Variants in ZGRF1 observed in about 807,000 individuals in gnomAD.
ZGRF1 encodes the protein 5'-3' DNA helicase ZGRF1.
In ZGRF1, 196 loss-of-function variants were observed where a neutral mutation model predicts 203.5. The ratio of observed to expected loss-of-function variants is 0.96; its 90% CI spans 0.86 to 1.08. The LOEUF (loss-of-function observed/expected upper bound fraction) is 1.08. Among genes scored for constraint, ZGRF1 ranks in the 50% least tolerant of loss-of-function variants. The pLI is 0.00. For missense variants in ZGRF1, 2,326 were observed against 2,416.3 expected (o/e 0.96, Z 0.78); for synonymous variants, 809 against 841.3 (o/e 0.96, Z 0.66).
chr4:112,628,289 G>C (rs1442208085), intron 3 of ZGRF1, among the ~76,000 whole-genome samples: 1 of 152,100 alleles, frequency 6.6e-6, no homozygotes, highest in Non-Finnish European at 1.5e-5. Flanking sequence ...ACTTTATGAA[G>C]CATCATTTTC....
intron 16 of ZGRF1, among the ~76,000 whole-genome samples, chr4:112,578,511 T>G: frequency 8.5e-6 from 1 of 117,908 alleles, no homozygotes; most frequent in Non-Finnish European, 1.9e-5. Context: ...TCAACAAAAT[T>G]GATAGACCGC....
chr4:112,562,670 T>G (rs944248160), intron 17 of ZGRF1, among the ~76,000 whole-genome samples, 185 bp from the exon 18 acceptor site: 1 of 152,258 alleles, frequency 6.6e-6, no homozygotes, highest in African/African-American at 2.4e-5. Context: ...ATCTGCTCAT[T>G]CATTTTATAA....
chr4:112,565,021 AC>A, intron 16 of ZGRF1: 1 of 969,682 alleles, frequency 1.0e-6, no homozygotes, highest in Non-Finnish European at 1.7e-6. Flanking sequence ...CCACAAATCA[AC>A]CGGTGGTAAA....
At chr4:112,546,434 GT>G (rs960590472) in intron 24 of ZGRF1, among the ~76,000 whole-genome samples, 4 of 151,916 alleles carry the variant, frequency 2.6e-5, no homozygotes, top group African/African-American at 9.7e-5. Context: ...AGAAAAAAAA[GT>G]TTTTTTTAAG....
chr4:112,561,684 G>A (rs1342735840), intron 18 of ZGRF1: 2 of 152,004 alleles, frequency 1.3e-5, no homozygotes, highest in Non-Finnish European at 2.9e-5. Flanking sequence ...AATGAGATAT[G>A]GCTATATCGA....
At chr4:112,617,340 T>C (rs1278694818) in intron 6 of ZGRF1, 100 bp downstream of exon 6, 1 of 829,332 alleles carries the variant, frequency 1.2e-6, no homozygotes, top group South Asian at 2.2e-5. Context: ...ATTTAAACAC[T>C]ATGTAATTCT....
chr4:112,603,158 T>C (rs1436440679), intron 10 of ZGRF1, among the ~76,000 whole-genome samples: 1 of 152,168 alleles, frequency 6.6e-6, no homozygotes, highest in East Asian at 1.9e-4. Context: ...AATCTGCCTT[T>C]GGTAGCAACT....
intron 9 of ZGRF1, among the ~76,000 whole-genome samples, chr4:112,604,329 C>T (rs987229370): frequency 6.6e-6 from 1 of 151,796 alleles, no homozygotes; most frequent in Non-Finnish European, 1.5e-5. Flanking sequence ...CTAATTAAAC[C>T]AGAAATATTT....
At position 112,606,083 on chromosome 4, in the gene ZGRF1, G is replaced by A; in HGVS notation, c.2727C>T (p.Ser909=). The change falls in exon 9 of 28, where the codon TCC becomes TCT. Residue 909 remains serine, a synonymous_variant. Transcript: ENST00000505019. ...SEPLQSVQFS[S]SGSKEETAFQ... ...AAGCAGTCTCTTCTTTACTTCCCGA[G>A]GAAGAGAACTAGGATAAAATATGAA... 1.3e-6 allele frequency: 2 copies of A among 1,579,816 alleles called. No individual in the cohort carries two copies. Among genetic ancestry groups the A allele is most frequent in the Non-Finnish European group, 1.7e-6 (2 of 1,155,886 alleles).
At position 112,586,640 on chromosome 4, in the gene ZGRF1, A is replaced by C. The variant is rs1747241998; in HGVS notation, c.3778-57T>G. 3.1e-6 allele frequency: 4 copies of C among 1,271,546 alleles called. No homozygotes were observed. In the East Asian group the frequency reaches 1.0e-4, roughly 33 times the overall value. 78.8% of individuals were successfully genotyped at this position (1,271,546 alleles called of 1,614,324 possible). A position where few individuals can be genotyped will look rare whatever the true frequency, so the allele number is the denominator to read the frequency against. On this transcript the variant is annotated intron_variant, in intron 12 of 27. Transcript: ENST00000505019. ...ACTCCAGAAAAATACTGTTTACTAA[A>C]GAGTAAATTATTTTTCATAGACATT...
Position 112,558,154 on chromosome 4 carries a change from G to A in ZGRF1, c.5116C>T (p.Leu1706Phe). The A allele has an allele frequency of 6.2e-7, 1 of 1,601,466 alleles. No homozygotes were observed. The highest frequency in any genetic ancestry group is 8.5e-7 in the Non-Finnish European group (1 of 1,175,874). Residue 1706 changes from leucine (L) to phenylalanine (F), a missense_variant, in exon 20 of 28, where the codon CTT (leucine) becomes TTT (phenylalanine). Coordinates refer to ENST00000505019, the MANE Select transcript of ZGRF1 (RefSeq NM_018392.5). The stretch of plus-strand genomic sequence containing the variant: ...AAATGCACTTGTCATGCCTACCCAA[G>A]AAGTACTCTGTCAACAGCCACATTA... ...STNVAVDRVL[L>F]GLLSLGFENF...
intron 13 of ZGRF1, among the ~76,000 whole-genome samples, chr4:112,586,016 T>C (rs1417482266): frequency 5.3e-5 from 8 of 152,002 alleles, no homozygotes; most frequent in Non-Finnish European, 1.2e-4. Flanking sequence ...GGCGAGTAGA[T>C]TGCTTGAGCC....
chr4:112,548,640 A>C (rs1263928391), intron 22 of ZGRF1, among the ~76,000 whole-genome samples: 3 of 151,310 alleles, frequency 2.0e-5, no homozygotes, highest in Non-Finnish European at 2.9e-5. Flanking sequence ...TTCAGACGGA[A>C]AGTATCACAA....
chr4:112,622,548 T>C (rs559784423), intron 4 of ZGRF1, among the ~76,000 whole-genome samples: 221 of 146,242 alleles, frequency 1.5e-3, no homozygotes, highest in Non-Finnish European at 1.8e-3. Context: ...AAAGACTCAC[T>C]GTACTAACTA....
At chr4:112,588,967 C>T (rs575232601) in intron 11 of ZGRF1, among the ~76,000 whole-genome samples, 107 of 152,274 alleles carry the variant, frequency 7.0e-4, no homozygotes, top group African/African-American at 2.3e-3. Flanking sequence ...AATACCCACT[C>T]CGGTGTATTT....
At position 112,587,880 on chromosome 4, in the gene ZGRF1, T is replaced by A. The variant is rs1294154725; in HGVS notation, c.3177A>T (p.Ser1059=). 1.9e-6 allele frequency: 3 copies of A among 1,549,162 alleles called. No individual in the cohort carries two copies. The highest frequency in any genetic ancestry group is 2.6e-6 in the Non-Finnish European group (3 of 1,146,386). ...SLENENLQRL[S]LLSRTQVPLI... is the part of the protein sequence containing the mutation. The stretch of plus-strand genomic sequence containing the variant: ...GTGGAACCTGGGTTCTACTTAATAA[T>A]GAAAGCCTTTGAAGGTTCTCATTCT... Residue 1059 remains serine (S), a synonymous_variant, in exon 12 of 28, where the codon TCA becomes TCT. Coordinates refer to ENST00000505019, the MANE Select transcript of ZGRF1 (RefSeq NM_018392.5).
chr4:112,549,679 GT>G (rs1490578614), intron 22 of ZGRF1, among the ~76,000 whole-genome samples: 1 of 151,844 alleles, frequency 6.6e-6, no homozygotes, highest in African/African-American at 2.4e-5. Context: ...ATACAGTTAC[GT>G]ACAGTTCATA....
At chr4:112,562,852 C>A (rs1002070824) in intron 17 of ZGRF1, among the ~76,000 whole-genome samples, 3 of 152,168 alleles carry the variant, frequency 2.0e-5, no homozygotes, top group Non-Finnish European at 4.4e-5. Flanking sequence ...AATTTTTAAA[C>A]ACTTTCTTGC....
intron 8 of ZGRF1, among the ~76,000 whole-genome samples, chr4:112,606,997 C>T (rs998055279): frequency 2.6e-5 from 4 of 152,218 alleles, no homozygotes; most frequent in African/African-American, 9.6e-5. Flanking sequence ...ACTTCCCCAA[C>T]AGACCAGAGA....
Sources: allele counts gnomAD v4.1 joint callset (sites outside exome capture counted in the v4.1 genomes callset), GRCh38; gene constraint gnomAD v4.1.1; transcripts MANE v1.5; gene names NCBI Gene and HGNC (gene_info 2026-07-23, HGNC 2026-07-21).